CCDC171: variants seen among roughly 807,000 people sequenced by gnomAD.
CCDC171 encodes coiled-coil domain-containing protein 171.
A neutral mutation model predicts 168.2 loss-of-function variants in CCDC171; 177 were observed. The ratio of observed to expected loss-of-function variants is 1.05; its 90% CI spans 0.93 to 1.19. The LOEUF is 1.19. CCDC171 is among the 50% of genes most tolerant of loss of function. The pLI is 0.00. For synonymous variants in CCDC171, 687 were observed against 540.8 expected, an observed-to-expected ratio of 1.27 and a Z score of -3.75; for missense variants, 1,991 against 1,539.0, an observed-to-expected ratio of 1.29 and a Z score of -4.91.
chr9:15,766,350 C>T (rs1334128297), intron 18 of CCDC171, among the ~76,000 whole-genome samples: 2 of 152,084 alleles, frequency 1.3e-5, no homozygotes, highest in Non-Finnish European at 1.5e-5. Context: ...CTCAAGGGAT[C>T]CTCCTGCCTC....
chr9:15,780,431 C>T (rs1365965905), intron 20 of CCDC171, among the ~76,000 whole-genome samples: 1 of 151,824 alleles, frequency 6.6e-6, no homozygotes, highest in East Asian at 1.9e-4. Flanking sequence ...GCCTGTAATC[C>T]CAGTGCTTTG....
At chr9:15,699,551 C>G (rs1424969759) in intron 11 of CCDC171, among the ~76,000 whole-genome samples, 1 of 152,148 alleles carries the variant, frequency 6.6e-6, no homozygotes, top group Admixed American at 6.5e-5. Flanking sequence ...TTTACTATCC[C>G]TGAGCTAGAC....
chr9:15,662,056 C>T (rs917048464), intron 8 of CCDC171, among the ~76,000 whole-genome samples: 6 of 152,170 alleles, frequency 3.9e-5, no homozygotes, highest in African/African-American at 1.4e-4. Context: ...GTGGGCAGAT[C>T]ACTTGAGGCC....
intron 25 of CCDC171, among the ~76,000 whole-genome samples, chr9:15,967,456 G>GTGCAATA (rs527830651): frequency 6.6e-6 from 1 of 152,186 alleles, no homozygotes; most frequent in Non-Finnish European, 1.5e-5. Context: ...AACGTGCAAT[G>GTGCAATA]TGCAATATGT....
intron 10 of CCDC171, among the ~76,000 whole-genome samples, chr9:15,689,711 A>C (rs2050653318): frequency 6.6e-6 from 1 of 152,198 alleles, no homozygotes; most frequent in South Asian, 2.1e-4. Flanking sequence ...ACTCAGTCTC[A>C]AAAGAAATAT....
intron 18 of CCDC171, among the ~76,000 whole-genome samples, chr9:15,769,309 C>G (rs1253925980): frequency 2.0e-5 from 3 of 152,076 alleles, no homozygotes; most frequent in Non-Finnish European, 4.4e-5. Context: ...GAGAGAGGGT[C>G]AAGAATATAG....
intron 20 of CCDC171, among the ~76,000 whole-genome samples, chr9:15,781,884 T>C (rs1212139214): frequency 6.6e-6 from 1 of 152,158 alleles, no homozygotes; most frequent in Non-Finnish European, 1.5e-5. Flanking sequence ...ATTTCTAATT[T>C]ACAGATGGGG....
chr9:16,048,768 T>C (rs1833702231), intron 1 of CCDC171, among the ~76,000 whole-genome samples: 1 of 152,114 alleles, frequency 6.6e-6, no homozygotes, highest in African/African-American at 2.4e-5. Context: ...GATAATATCA[T>C]AGTAGCATCC....
At chr9:15,871,447 C>T (rs898852146) in intron 23 of CCDC171, among the ~76,000 whole-genome samples, 1 of 150,202 alleles carries the variant, frequency 6.7e-6, no homozygotes, top group Non-Finnish European at 1.5e-5. Context: ...ACACTAAACT[C>T]AGTACTTTAA....
At chr9:15,916,924 C>T (rs1824608743) in intron 24 of CCDC171, among the ~76,000 whole-genome samples, 1 of 151,906 alleles carries the variant, frequency 6.6e-6, no homozygotes, top group South Asian at 2.1e-4. Flanking sequence ...AAATAAGCCC[C>T]TGGGGCCAAG....
intron 4 of CCDC171, among the ~76,000 whole-genome samples, chr9:15,580,114 T>G (rs1212240558): frequency 6.6e-6 from 1 of 152,046 alleles, no homozygotes; most frequent in Non-Finnish European, 1.5e-5. Context: ...AAACATAAAG[T>G]GGGGAAAGGA....
At chr9:15,903,108 G>C (rs959391746) in intron 24 of CCDC171, among the ~76,000 whole-genome samples, 3 of 152,232 alleles carry the variant, frequency 2.0e-5, no homozygotes, top group Admixed American at 6.5e-5. Context: ...TCTGGGGGTT[G>C]AGCATTGCCA....
chr9:16,066,687 C>T, the CCDC171 span, among the ~76,000 whole-genome samples: 5,831 of 147,712 alleles, frequency 0.039, 350 homozygotes, highest in African/African-American at 0.13. Flanking sequence ...GTTCAATTCC[C>T]ACCTATGAGT....
intron 22 of CCDC171, 107 bp downstream of exon 22, chr9:15,846,954 G>A: frequency 1.1e-6 from 1 of 877,674 alleles, no homozygotes; most frequent in Admixed American, 3.0e-5. Flanking sequence ...GAAAACAAAA[G>A]TACAGCTGTC....
intron 23 of CCDC171, among the ~76,000 whole-genome samples, chr9:15,856,187 A>C (rs1470126272): frequency 1.3e-5 from 2 of 151,996 alleles, no homozygotes; most frequent in Non-Finnish European, 2.9e-5. Context: ...TGGTAAGAAC[A>C]CTTAATCTAA....
At chr9:15,986,856 ATAT>A (rs1378929829) in intron 3 of CCDC171, among the ~76,000 whole-genome samples, 1 of 152,238 alleles carries the variant, frequency 6.6e-6, no homozygotes, top group African/African-American at 2.4e-5. Context: ...AGTAATAGAA[ATAT>A]TATGAGAATT....
intron 18 of CCDC171, among the ~76,000 whole-genome samples, chr9:15,756,617 A>G (rs971028468): frequency 3.3e-5 from 5 of 152,138 alleles, no homozygotes; most frequent in African/African-American, 1.2e-4. Context: ...TCCCACTTAT[A>G]AGTAAAAACA....
At chr9:15,827,338 G>C (rs1376467001) in intron 21 of CCDC171, among the ~76,000 whole-genome samples, 1 of 152,094 alleles carries the variant, frequency 6.6e-6, no homozygotes, top group Admixed American at 6.6e-5. Context: ...ATCTTCTACA[G>C]CTTGATTTAC....
intron 18 of CCDC171, among the ~76,000 whole-genome samples, chr9:15,767,361 A>G (rs1428167824): frequency 6.6e-6 from 1 of 152,202 alleles, no homozygotes; most frequent in African/African-American, 2.4e-5. Flanking sequence ...AGCCAGCAGC[A>G]TCACATCTGC....
Sources: gnomAD v4.1 joint callset for allele counts (sites outside exome capture counted in the v4.1 genomes callset) on GRCh38, gnomAD v4.1.1 for gene constraint, MANE v1.5 for transcripts, NCBI Gene and HGNC (gene_info 2026-07-23, HGNC 2026-07-21) for gene names.